The following RASGRF2 variants were observed in gnomAD, a reference collection of about 807,000 sequenced individuals.
The protein encoded by RASGRF2 is Ras protein specific guanine nucleotide releasing factor 2, also known as ras-specific guanine nucleotide-releasing factor 2.
In RASGRF2, 76 loss-of-function variants were observed where a neutral mutation model predicts 151.0. The ratio of observed to expected loss-of-function variants is 0.50; its 90% CI spans 0.42 to 0.61. The LOEUF (loss-of-function observed/expected upper bound fraction) is 0.61, where lower values mean the gene tolerates loss of function less well. Ranked by LOEUF, RASGRF2 falls within the 20% of genes least tolerant of loss-of-function variation. RASGRF2 has a pLI of 0.00. For missense variants in RASGRF2, 1,148 were observed against 1,564.6 expected (o/e 0.73, Z 4.49); for synonymous variants, 504 against 566.5 (o/e 0.89, Z 1.57).
Position 81,180,240 on chromosome 5 carries a change from GTTC to G in RASGRF2, c.2754_2756del (p.Leu919del). 6.2e-7 allele frequency: 1 copy of G among 1,612,670 alleles called. No homozygotes were observed. The highest frequency in any genetic ancestry group is 8.5e-7 in the Non-Finnish European group (1 of 1,178,976). On this transcript the variant is annotated inframe_deletion, in exon 18 of 27. Coordinates refer to ENST00000265080, the MANE Select transcript of RASGRF2 (RefSeq NM_006909.3). ...TATACGGAGAACGGCTACCAATCGA[GTTC>G]TGAACGTCCTCCGTCACTGGGTCTC...
intron 1 of RASGRF2, among the ~76,000 whole-genome samples, chr5:80,966,074 GAT>G (rs1352717077): frequency 7.3e-6 from 1 of 137,128 alleles, no homozygotes; most frequent in Non-Finnish European, 1.6e-5. Context: ...ACAAGAAAGG[GAT>G]ATATGTTTGT....
At chr5:81,103,688 AG>A (rs555006050) in intron 12 of RASGRF2, among the ~76,000 whole-genome samples, 1 of 152,206 alleles carries the variant, frequency 6.6e-6, no homozygotes, top group African/African-American at 2.4e-5. Context: ...AAGCACAAAA[AG>A]AAAAATCTCA....
intron 1 of RASGRF2, among the ~76,000 whole-genome samples, chr5:81,011,972 G>A (rs898892304): frequency 2.6e-5 from 4 of 152,224 alleles, no homozygotes; most frequent in African/African-American, 9.6e-5. Context: ...TGACATAAAT[G>A]CAGAAGCTCT....
chr5:81,008,371 A>G (rs149176754), intron 1 of RASGRF2, among the ~76,000 whole-genome samples: 2,572 of 151,968 alleles, frequency 0.017, 75 homozygotes, highest in African/African-American at 0.06. Flanking sequence ...GGCTGGTCTC[A>G]AACTCGTGAC....
intron 1 of RASGRF2, among the ~76,000 whole-genome samples, chr5:80,969,952 G>A (rs7701015): frequency 0.25 from 37,544 of 149,032 alleles, 4,977 homozygotes; most frequent in Middle Eastern, 0.37. Flanking sequence ...TCAGCCTCTC[G>A]AGTAGCTGGG....
chr5:81,194,546 A>G (rs1395253689), intron 18 of RASGRF2, among the ~76,000 whole-genome samples: 2 of 152,126 alleles, frequency 1.3e-5, no homozygotes, highest in Non-Finnish European at 2.9e-5. Flanking sequence ...TCATCTCACA[A>G]TAGCATCTCT....
chr5:81,171,676 A>G (rs1410562752), intron 17 of RASGRF2, among the ~76,000 whole-genome samples: 3 of 152,098 alleles, frequency 2.0e-5, no homozygotes, highest in Non-Finnish European at 4.4e-5. Flanking sequence ...CTGGAGTATT[A>G]TATTTCTTGA....
At chr5:80,967,103 T>C (rs1215526969) in intron 1 of RASGRF2, among the ~76,000 whole-genome samples, 1 of 152,174 alleles carries the variant, frequency 6.6e-6, no homozygotes, top group Non-Finnish European at 1.5e-5. Flanking sequence ...AAATAAAATT[T>C]GTTGGCCGGG....
At chr5:81,167,120 G>A (rs1164572721) in intron 17 of RASGRF2, among the ~76,000 whole-genome samples, 1 of 152,182 alleles carries the variant, frequency 6.6e-6, no homozygotes, top group Non-Finnish European at 1.5e-5. Context: ...ACCATTGTGA[G>A]TTATGTTACA....
At chr5:81,199,077 A>C (rs1160969130) in intron 18 of RASGRF2, among the ~76,000 whole-genome samples, 1 of 152,222 alleles carries the variant, frequency 6.6e-6, no homozygotes. Flanking sequence ...AAAATGATCA[A>C]ATTCAGGAAA....
rs1347719357 is a variant in RASGRF2 at position 81,229,250 on chromosome 5, T to G, written c.*3480T>G. On this transcript the variant is annotated 3_prime_UTR_variant, in exon 27 of 27. Coordinates refer to ENST00000265080, the MANE Select transcript of RASGRF2 (RefSeq NM_006909.3). ...AAAAATCCAATTGCAAAATGTATTA[T>G]TTTTACAACTATCGAAAAGGCATAA... The G allele has an allele frequency of 6.6e-6, 1 of 152,224 alleles. No individual in the cohort carries two copies. Among genetic ancestry groups the G allele is most frequent in the Non-Finnish European group, 1.5e-5 (1 of 68,040 alleles). 9.4% of individuals were successfully genotyped at this position (152,224 alleles called of 1,614,324 possible).
chr5:81,022,817 A>G (rs1749877232), intron 1 of RASGRF2, among the ~76,000 whole-genome samples: 1 of 150,270 alleles, frequency 6.7e-6, no homozygotes, highest in African/African-American at 2.5e-5. Flanking sequence ...CAGACAGAGC[A>G]GCATAGATTG....
intron 17 of RASGRF2, among the ~76,000 whole-genome samples, chr5:81,161,151 G>A (rs900285860): frequency 6.6e-6 from 1 of 152,156 alleles, no homozygotes; most frequent in Non-Finnish European, 1.5e-5. Context: ...GGTTGTCACT[G>A]TGATCACCGG....
intron 17 of RASGRF2, among the ~76,000 whole-genome samples, chr5:81,128,515 G>A (rs1296674778): frequency 1.3e-5 from 2 of 152,206 alleles, no homozygotes; most frequent in Non-Finnish European, 1.5e-5. Context: ...TATTCCTCCT[G>A]TGTTGTTTGA....
At chr5:81,198,119 T>C (rs972122370) in intron 18 of RASGRF2, among the ~76,000 whole-genome samples, 2 of 147,126 alleles carry the variant, frequency 1.4e-5, no homozygotes, top group Admixed American at 1.4e-4. Flanking sequence ...CAAAAACCTG[T>C]TATTTTTTTT....
chr5:81,111,512 A>G (rs1410725099), intron 13 of RASGRF2, among the ~76,000 whole-genome samples: 1 of 152,134 alleles, frequency 6.6e-6, no homozygotes, highest in African/African-American at 2.4e-5. Flanking sequence ...TTTTAATACC[A>G]CAGAATTTTG....
At chr5:81,194,885 T>C (rs1358999128) in intron 18 of RASGRF2, among the ~76,000 whole-genome samples, 1 of 152,256 alleles carries the variant, frequency 6.6e-6, no homozygotes, top group Non-Finnish European at 1.5e-5. Flanking sequence ...CAGTAATTCT[T>C]TTTGAAGGAA....
chr5:81,066,888 A>G (rs555715571), intron 2 of RASGRF2, among the ~76,000 whole-genome samples: 271 of 152,362 alleles, frequency 1.8e-3, no homozygotes, highest in African/African-American at 6.0e-3. Context: ...ATGGCTTGCC[A>G]TGGCCCAAGT....
intron 18 of RASGRF2, among the ~76,000 whole-genome samples, chr5:81,195,187 A>C (rs1039009511): frequency 6.6e-6 from 1 of 151,638 alleles, no homozygotes; most frequent in African/African-American, 2.4e-5. Flanking sequence ...TGCGGGCTCC[A>C]CCCAGGGGCC....
Sources: allele counts gnomAD v4.1 joint callset (sites outside exome capture counted in the v4.1 genomes callset), GRCh38; gene constraint gnomAD v4.1.1; transcripts MANE v1.5; gene names NCBI Gene and HGNC (gene_info 2026-07-23, HGNC 2026-07-21).